The following TUSC3 variants were observed in gnomAD, a reference collection of about 807,000 sequenced individuals.
TUSC3 encodes the protein dolichyl-diphosphooligosaccharide--protein glycosyltransferase subunit TUSC3.
In TUSC3, 45 loss-of-function variants were observed where a neutral mutation model predicts 44.8. That is an observed-to-expected ratio of 1.00 (90% CI 0.79 to 1.29). The LOEUF is 1.29. Among genes scored for constraint, TUSC3 ranks in the 50% most tolerant of loss-of-function variants. The pLI, the probability that TUSC3 is intolerant of heterozygous loss-of-function variation, is 0.00. For missense variants in TUSC3, 519 were observed against 437.9 expected (o/e 1.19, Z -1.65); for synonymous variants, 212 against 152.9 (o/e 1.39, Z -2.85).
At chr8:15,754,050 C>T (rs1422699795) in intron 9 of TUSC3, among the ~76,000 whole-genome samples, 1 of 151,970 alleles carries the variant, frequency 6.6e-6, no homozygotes, top group East Asian at 1.9e-4. Flanking sequence ...TTTGGTATTC[C>T]TGGAAGCATT....
chr8:15,731,824 T>G (rs1810737304), intron 7 of TUSC3, among the ~76,000 whole-genome samples: 2 of 152,332 alleles, frequency 1.3e-5, no homozygotes, highest in Non-Finnish European at 1.5e-5. Flanking sequence ...TTTAAAAATC[T>G]ACTGGCAAAG....
In TUSC3 at chr8:15,637,755, A is replaced by G. The variant is rs1806157241; in HGVS notation, c.309-12942A>G. 1.3e-5 allele frequency among the ~76,000 whole-genome samples: 2 copies of G among 152,050 alleles called. 1 individual carries two copies. The highest frequency in any genetic ancestry group is 4.1e-4 in the South Asian group (2 of 4,830). ...GAGTGGCCTACTGATTTCTTAATTC[A>G]AGTACCCTTTCTGCTCATAACGTGA... On this transcript the variant is annotated intron_variant, in intron 2 of 10. Coordinates refer to ENST00000503731, the MANE Select transcript of TUSC3 (RefSeq NM_006765.4).
chr8:15,810,825 A>T, the TUSC3 span, among the ~76,000 whole-genome samples: 1 of 152,142 alleles, frequency 6.6e-6, no homozygotes, highest in African/African-American at 2.4e-5. Flanking sequence ...CAAATACAGG[A>T]AAGAAGAGCT....
chr8:15,848,017 A>G, the TUSC3 span, among the ~76,000 whole-genome samples: 85 of 152,276 alleles, frequency 5.6e-4, 1 homozygote, highest in Non-Finnish European at 9.6e-4. Flanking sequence ...ATACATATTT[A>G]TTCTCTTTTT....
Position 15,571,605 on chromosome 8 carries a change from A to G in TUSC3, c.138+31037A>G, listed in dbSNP as rs577902304. On this transcript the variant is annotated intron_variant, in intron 1 of 10. Transcript: ENST00000503731. Reference sequence around the variant, plus strand: ...TGACCAATAAGGGTACTGGCTGCTGATGGTGGGAGCAGCTGGCAACTTCTT... The same window carrying G: ...TGACCAATAAGGGTACTGGCTGCTGGTGGTGGGAGCAGCTGGCAACTTCTT... 2.6e-5 allele frequency among the ~76,000 whole-genome samples: 4 copies of G among 152,258 alleles called. No homozygotes were observed. The South Asian group carries it at 8.3e-4, about 32-fold the overall frequency.
chr8:15,621,629 A>G (rs934515449), intron 1 of TUSC3, among the ~76,000 whole-genome samples: 2 of 148,090 alleles, frequency 1.4e-5, no homozygotes, highest in African/African-American at 4.9e-5. Flanking sequence ...AATATTATAT[A>G]TAGATAAATC....
the TUSC3 span, among the ~76,000 whole-genome samples, chr8:15,851,783 T>C: frequency 1.3e-5 from 2 of 152,240 alleles, no homozygotes; most frequent in East Asian, 1.9e-4. Context: ...CATGCTGATA[T>C]GATTTGGCTG....
chr8:15,591,060 G>C (rs1326507836), intron 1 of TUSC3, among the ~76,000 whole-genome samples: 1 of 152,124 alleles, frequency 6.6e-6, no homozygotes, highest in Non-Finnish European at 1.5e-5. Context: ...AAGAAAGTGT[G>C]ATGCTTGGCA....
chr8:15,626,129 A>C (rs1461514603), intron 2 of TUSC3, among the ~76,000 whole-genome samples: 1 of 152,078 alleles, frequency 6.6e-6, no homozygotes, highest in Non-Finnish European at 1.5e-5. Flanking sequence ...TGTGTCCCCA[A>C]GGTAGCTGAC....
chr8:15,794,784 G>A, the TUSC3 span, among the ~76,000 whole-genome samples: 2 of 151,998 alleles, frequency 1.3e-5, no homozygotes, highest in Admixed American at 1.3e-4. Context: ...TCCACAGGGG[G>A]GAAAATACCT....
chr8:15,795,118 A>C, the TUSC3 span, among the ~76,000 whole-genome samples: 1 of 152,280 alleles, frequency 6.6e-6, no homozygotes, highest in African/African-American at 2.4e-5. Context: ...CAAGATTCCA[A>C]GCAGCAGTAG....
chr8:15,635,376 A>G (rs549575223), intron 2 of TUSC3, among the ~76,000 whole-genome samples: 5 of 152,272 alleles, frequency 3.3e-5, no homozygotes, highest in East Asian at 1.9e-4. Flanking sequence ...GGTGGCTCAA[A>G]TGCATGTCAC....
At chr8:15,806,667 T>G in the TUSC3 span, 13 of 1,066,780 alleles carry the variant, frequency 1.2e-5, no homozygotes, top group Non-Finnish European at 1.9e-5. Context: ...AGCTGCCCAG[T>G]AGGACCTTTC....
chr8:15,582,319 A>T (rs1803400839), intron 1 of TUSC3, among the ~76,000 whole-genome samples: 1 of 152,196 alleles, frequency 6.6e-6, no homozygotes, highest in Admixed American at 6.5e-5. Context: ...CTGTTCAGCC[A>T]TCTTCCTCTG....
intron 1 of TUSC3, among the ~76,000 whole-genome samples, chr8:15,483,215 T>C (rs918689847): frequency 7.9e-5 from 12 of 152,188 alleles, no homozygotes; most frequent in African/African-American, 2.9e-4. Flanking sequence ...TGGGAGTAAA[T>C]AGGAATATAC....
the TUSC3 span, among the ~76,000 whole-genome samples, chr8:15,834,692 G>A: frequency 6.6e-6 from 1 of 151,912 alleles, no homozygotes; most frequent in African/African-American, 2.4e-5. Context: ...GTCTTATTGA[G>A]TTAATTCATT....
At chr8:15,539,036 A>G (rs183679061), upstream of TUSC3, among the ~76,000 whole-genome samples, 450 of 150,414 alleles carry the variant, frequency 3.0e-3, 1 homozygote, top group Non-Finnish European at 3.4e-3. Context: ...TTTTTTTCGT[A>G]AAGACAAGGT....
At chr8:15,845,496 C>T in the TUSC3 span, among the ~76,000 whole-genome samples, 80 of 152,188 alleles carry the variant, frequency 5.3e-4, 1 homozygote, top group East Asian at 0.013. Context: ...AATCACTGAA[C>T]GAGATGATCT....
intron 2 of TUSC3, among the ~76,000 whole-genome samples, chr8:15,506,338 C>T (rs1028088059): frequency 3.9e-5 from 6 of 152,132 alleles, no homozygotes; most frequent in Non-Finnish European, 8.8e-5. Flanking sequence ...ATCCCTTTTC[C>T]CCAAAGTCAG....
Sources: allele counts gnomAD v4.1 joint callset (sites outside exome capture counted in the v4.1 genomes callset), GRCh38; gene constraint gnomAD v4.1.1; transcripts MANE v1.5; gene names NCBI Gene and HGNC (gene_info 2026-07-23, HGNC 2026-07-21).